Variants in POU2F1 observed in about 807,000 individuals in gnomAD.
POU2F1 encodes the protein POU class 2 homeobox 1, also known as POU domain, class 2, transcription factor 1.
Under a neutral mutation model 84.9 loss-of-function variants are expected in POU2F1, and 16 were observed. The ratio of observed to expected loss-of-function variants is 0.19; its 90% CI spans 0.13 to 0.29. The LOEUF is 0.29. POU2F1 is among the 10% of genes least tolerant of loss of function. The pLI, the probability that POU2F1 is intolerant of heterozygous loss-of-function variation, is 1.00. For missense variants in POU2F1, 738 were observed against 942.6 expected (o/e 0.78, Z 2.84); for synonymous variants, 368 against 368.3 (o/e 1.00, Z 0.01).
chr1:167,393,273 C>G (rs995931121), intron 9 of POU2F1, among the ~76,000 whole-genome samples: 2 of 152,052 alleles, frequency 1.3e-5, no homozygotes, highest in East Asian at 3.8e-4. Flanking sequence ...CAAGCCTGTA[C>G]CGAATTAATG....
chr1:167,370,332 G>A, intron 4 of POU2F1, 118 bp downstream of exon 4: 1 of 705,436 alleles, frequency 1.4e-6, no homozygotes, highest in East Asian at 3.1e-5. Flanking sequence ...TTCAAAATTA[G>A]TGAATCTCGT....
intron 7 of POU2F1, among the ~76,000 whole-genome samples, chr1:167,381,343 A>G (rs2101873675): frequency 6.6e-6 from 1 of 152,270 alleles, no homozygotes; most frequent in East Asian, 1.9e-4. Flanking sequence ...TCGGCCTCCC[A>G]AAGTGCTGGG....
In POU2F1 at chr1:167,423,046, C is replaced by A. The variant is rs1025365891; in HGVS notation, c.*7236C>A. ...GCAAAAGATAGGGGTAGAATTTTTT[C>A]ATTATTTCCCTTTATCTAATACTTT... On this transcript the variant is annotated 3_prime_UTR_variant, in exon 16 of 16. Coordinates refer to ENST00000367866, the MANE Select transcript of POU2F1 (RefSeq NM_002697.4). 2.0e-5 allele frequency: 3 copies of A among 152,126 alleles called. No homozygotes were observed. Among genetic ancestry groups the A allele is most frequent in the African/African-American group, 7.2e-5 (3 of 41,440 alleles). The allele number at this position is 152,126 out of a possible 1,614,324, so 9.4% of individuals were successfully genotyped here.
intron 1 of POU2F1, among the ~76,000 whole-genome samples, chr1:167,314,751 G>A (rs570386830): frequency 6.6e-6 from 1 of 152,154 alleles, no homozygotes; most frequent in Non-Finnish European, 1.5e-5. Context: ...TCCAGCCTGG[G>A]TGACAAAAGT....
chr1:167,297,446 C>T (rs1654360612), intron 1 of POU2F1, among the ~76,000 whole-genome samples: 1 of 152,198 alleles, frequency 6.6e-6, no homozygotes, highest in Admixed American at 6.5e-5. Context: ...TAACTGCCAG[C>T]AGCAGCCAGG....
chr1:167,234,174 A>G (rs1026155725), intron 1 of POU2F1, among the ~76,000 whole-genome samples: 2 of 152,162 alleles, frequency 1.3e-5, no homozygotes, highest in Non-Finnish European at 2.9e-5. Flanking sequence ...CACTGTTAAG[A>G]TCTATAGATT....
chr1:167,280,205 A>C (rs954523761), intron 1 of POU2F1, among the ~76,000 whole-genome samples: 3 of 151,062 alleles, frequency 2.0e-5, no homozygotes, highest in Non-Finnish European at 4.4e-5. Flanking sequence ...AAAAAAAAAA[A>C]CTTATTGTAA....
chr1:167,333,764 T>C (rs1392614188), intron 2 of POU2F1, among the ~76,000 whole-genome samples: 1 of 152,244 alleles, frequency 6.6e-6, no homozygotes, highest in Non-Finnish European at 1.5e-5. Flanking sequence ...CATTGTATTC[T>C]GTCTGAATTG....
intron 13 of POU2F1, among the ~76,000 whole-genome samples, chr1:167,406,877 A>G (rs943994052): frequency 6.6e-6 from 1 of 152,106 alleles, no homozygotes; most frequent in Non-Finnish European, 1.5e-5. Context: ...ATAAAGAGAC[A>G]TTTCATATTC....
chr1:167,368,802 T>C (rs1480837765), intron 3 of POU2F1, among the ~76,000 whole-genome samples: 5 of 152,200 alleles, frequency 3.3e-5, no homozygotes, highest in Non-Finnish European at 5.9e-5. Flanking sequence ...TCATTTTAGC[T>C]CTTAACTCTT....
intron 1 of POU2F1, among the ~76,000 whole-genome samples, chr1:167,255,339 C>T (rs2102415702): frequency 6.6e-6 from 1 of 152,172 alleles, no homozygotes; most frequent in Non-Finnish European, 1.5e-5. Context: ...GTAGGTGGAA[C>T]CCATGAATCT....
chr1:167,407,667 A>G (rs775477840), intron 13 of POU2F1, among the ~76,000 whole-genome samples: 41 of 152,088 alleles, frequency 2.7e-4, no homozygotes, highest in Non-Finnish European at 5.0e-4. Context: ...TCTTCAACAA[A>G]TGGTTCTAGG....
chr1:167,265,739 T>C (rs1355471441), intron 1 of POU2F1, among the ~76,000 whole-genome samples: 1 of 151,826 alleles, frequency 6.6e-6, no homozygotes, highest in African/African-American at 2.4e-5. Context: ...TTTTTGATTG[T>C]CACAACCTGA....
intron 1 of POU2F1, among the ~76,000 whole-genome samples, chr1:167,279,356 C>T (rs1652957997): frequency 6.6e-6 from 1 of 152,156 alleles, no homozygotes; most frequent in Non-Finnish European, 1.5e-5. Context: ...GATCATTTTT[C>T]TTATTGATGT....
intron 13 of POU2F1, among the ~76,000 whole-genome samples, chr1:167,404,536 G>T (rs1360889161): frequency 3.3e-5 from 5 of 152,154 alleles, no homozygotes; most frequent in African/African-American, 1.2e-4. Context: ...ACCTACACTA[G>T]AATCCTTAGC....
chr1:167,320,937 C>T (rs1557892575), intron 1 of POU2F1, among the ~76,000 whole-genome samples: 1 of 152,076 alleles, frequency 6.6e-6, no homozygotes, highest in Non-Finnish European at 1.5e-5. Context: ...AATTAATGTC[C>T]CCTAGTAATT....
chr1:167,381,375 G>C (rs371458495), intron 7 of POU2F1, among the ~76,000 whole-genome samples: 1 of 152,104 alleles, frequency 6.6e-6, no homozygotes, highest in Non-Finnish European at 1.5e-5. Flanking sequence ...GAGCCATGGC[G>C]CCTGGCCAAG....
intron 1 of POU2F1, among the ~76,000 whole-genome samples, chr1:167,227,990 A>G (rs1224820415): frequency 1.3e-5 from 2 of 152,236 alleles, no homozygotes; most frequent in Non-Finnish European, 2.9e-5. Context: ...TCAGTAACAG[A>G]TAAGAACACA....
At chr1:167,355,168 CTTTCT>C (rs1658853067) in intron 2 of POU2F1, among the ~76,000 whole-genome samples, 2 of 142,556 alleles carry the variant, frequency 1.4e-5, no homozygotes. Flanking sequence ...TTTCATTTTT[CTTTCT>C]TTTTTTTTTT....
Sources: gnomAD v4.1 joint callset for allele counts (sites outside exome capture counted in the v4.1 genomes callset) on GRCh38, gnomAD v4.1.1 for gene constraint, MANE v1.5 for transcripts, NCBI Gene and HGNC (gene_info 2026-07-23, HGNC 2026-07-21) for gene names.